Variants in PRKN observed in about 807,000 individuals in gnomAD.
PRKN encodes the protein E3 ubiquitin-protein ligase parkin.
Under a neutral mutation model 59.5 loss-of-function variants are expected in PRKN, and 56 were observed. The ratio of observed to expected loss-of-function variants is 0.94; its 90% CI spans 0.76 to 1.18. The LOEUF is 1.18. Ranked by LOEUF, PRKN falls within the 50% of genes most tolerant of loss-of-function variation. The pLI, the probability that PRKN is intolerant of heterozygous loss-of-function variation, is 0.00. For missense variants in PRKN, 657 were observed against 596.4 expected, an observed-to-expected ratio of 1.10 and a Z score of -1.06; for synonymous variants, 250 against 222.1, an observed-to-expected ratio of 1.13 and a Z score of -1.12.
intron 1 of PRKN, among the ~76,000 whole-genome samples, chr6:162,679,502 T>C (rs1166059063): frequency 1.3e-5 from 2 of 152,222 alleles, no homozygotes; most frequent in African/African-American, 4.8e-5. Context: ...CTAAGAAATC[T>C]TTGACTATTT....
In PRKN at chr6:162,506,394, A is replaced by G. The variant is rs112384286; in HGVS notation, c.8-62921T>C. Among the ~76,000 whole-genome samples the G allele has an allele frequency of 3.5e-3, 531 of 152,300 alleles. 3 individuals are homozygous for G. The highest frequency in any genetic ancestry group is 0.012 in the African/African-American group (512 of 41,560). The stretch of plus-strand genomic sequence containing the variant: ...ATGTCTAGCAAGCTAAAGACTGAGA[A>G]GAGACATGTGATACTAGGAAGAGAA... On this transcript the variant is annotated intron_variant, in intron 1 of 11. Transcript: ENST00000366898.
chr6:162,230,194 C>G (rs1778363803), intron 3 of PRKN, among the ~76,000 whole-genome samples: 1 of 152,228 alleles, frequency 6.6e-6, no homozygotes, highest in Non-Finnish European at 1.5e-5. Context: ...ATGAGCATAT[C>G]TTACTGAAGC....
intron 1 of PRKN, among the ~76,000 whole-genome samples, chr6:162,705,391 T>A (rs1403030381): frequency 6.6e-6 from 1 of 152,204 alleles, no homozygotes. Flanking sequence ...CCTGAAATCC[T>A]ACTCTTTCCA....
At chr6:161,880,576 T>C (rs1021683734) in intron 6 of PRKN, among the ~76,000 whole-genome samples, 1 of 152,218 alleles carries the variant, frequency 6.6e-6, no homozygotes, top group African/African-American at 2.4e-5. Context: ...ACAGCCACCC[T>C]GCCTGGGGAG....
rs192789992 is a variant in PRKN at position 161,389,444 on chromosome 6, A to C, written c.1084-2567T>G. 3.4e-3 allele frequency among the ~76,000 whole-genome samples: 524 copies of C among 152,330 alleles called. 5 individuals are homozygous for C. The highest frequency in any genetic ancestry group is 0.012 in the African/African-American group (502 of 41,564). On this transcript the variant is annotated intron_variant, in intron 9 of 11. Coordinates refer to ENST00000366898, the MANE Select transcript of PRKN (RefSeq NM_004562.3). ...AGAGACTGAACTCAAATTTAGTGAA[A>C]TGTAAACTTTATTTAAAGGTTGGTG...
intron 6 of PRKN, among the ~76,000 whole-genome samples, chr6:161,795,179 T>C (rs1448029309): frequency 6.6e-6 from 1 of 151,088 alleles, no homozygotes; most frequent in Non-Finnish European, 1.5e-5. Flanking sequence ...TCACCGTGCC[T>C]GGCCTAACTT....
At chr6:162,054,492 C>G (rs1030807963) in intron 4 of PRKN, among the ~76,000 whole-genome samples, 4 of 152,222 alleles carry the variant, frequency 2.6e-5, no homozygotes, top group African/African-American at 7.2e-5. Context: ...TGCTCCACTT[C>G]TGTGTCTGCC....
At chr6:162,633,935 G>C (rs953993452) in intron 1 of PRKN, among the ~76,000 whole-genome samples, 1 of 152,130 alleles carries the variant, frequency 6.6e-6, no homozygotes, top group South Asian at 2.1e-4. Context: ...TAAATAATTA[G>C]AAGTGGAAAA....
intron 3 of PRKN, among the ~76,000 whole-genome samples, chr6:162,261,379 T>A (rs557688948): frequency 5.4e-4 from 82 of 152,314 alleles, no homozygotes; most frequent in African/African-American, 1.8e-3. Context: ...TCTGGTCTCA[T>A]ACACACTCAA....
At position 161,430,814 on chromosome 6, in the gene PRKN, C is replaced by CAA. The variant is rs35611748; in HGVS notation, c.1084-43939_1084-43938dup. Among the ~76,000 whole-genome samples, 355 of 58,316 alleles carry CAA rather than the reference C, an allele frequency of 6.1e-3. 6 individuals are homozygous for CAA. The highest frequency in any genetic ancestry group is 0.022 in the African/African-American group (310 of 14,084). 38.3% of individuals were successfully genotyped at this position (58,316 alleles called of 152,430 possible). A position where few individuals can be genotyped will look rare whatever the true frequency, so the allele number is the denominator to read the frequency against. Reference sequence around the variant, plus strand: ...TGGGCAACACAGCCAGACTCCGTCTCAAAAAAAAAAAAAAAAAAAAAAAAG... The same window carrying CAA: ...TGGGCAACACAGCCAGACTCCGTCTCAAAAAAAAAAAAAAAAAAAAAAAAAAG... On this transcript the variant is annotated intron_variant, in intron 9 of 11. Coordinates refer to ENST00000366898, the MANE Select transcript of PRKN (RefSeq NM_004562.3).
At chr6:162,695,494 CA>C (rs1404383684) in intron 1 of PRKN, among the ~76,000 whole-genome samples, 1 of 152,100 alleles carries the variant, frequency 6.6e-6, no homozygotes, top group Non-Finnish European at 1.5e-5. Context: ...ATGAGACCTG[CA>C]AAAACATTAT....
At chr6:162,369,861 A>G (rs1048476548) in intron 2 of PRKN, among the ~76,000 whole-genome samples, 15 of 152,154 alleles carry the variant, frequency 9.9e-5, no homozygotes, top group East Asian at 3.9e-4. Flanking sequence ...GAGTTAGCCA[A>G]CCCTGAAGGT....
In PRKN at chr6:161,538,813, C is replaced by CT. The variant is rs1779516712; in HGVS notation, c.1083+10040dup. On this transcript the variant is annotated intron_variant, in intron 9 of 11. Transcript: ENST00000366898. The surrounding 1 kb of genome is among the most constrained non-coding windows in gnomAD (Gnocchi z 4.2). ...GAGATTTGATTGAATAACTGATCGA[C>CT]TTAGCCTTTCCCAGTGGAATGTTGG... Among the ~76,000 whole-genome samples, 1 of 152,190 alleles carries CT rather than the reference C, an allele frequency of 6.6e-6. No individual in the cohort carries two copies.
chr6:162,322,048 A>C (rs1783045478), intron 2 of PRKN, among the ~76,000 whole-genome samples: 1 of 152,028 alleles, frequency 6.6e-6, no homozygotes, highest in South Asian at 2.1e-4. Flanking sequence ...AAAATTAGAA[A>C]ATTCCTATTC....
intron 7 of PRKN, among the ~76,000 whole-genome samples, chr6:161,638,737 G>GTTTTTTTTTTT (rs1783620228): frequency 6.5e-5 from 4 of 61,556 alleles, no homozygotes; most frequent in Admixed American, 1.2e-4. Flanking sequence ...CACGAGATCT[G>GTTTTTTTTTTT]ATTTTTTTTT....
chr6:161,448,039 T>C lies in PRKN; in HGVS notation c.1084-61162A>G, dbSNP rs537911799. Among the ~76,000 whole-genome samples the C allele has an allele frequency of 1.3e-5, 2 of 152,318 alleles. No individual in the cohort carries two copies. The highest frequency in any genetic ancestry group is 1.9e-4 in the East Asian group (1 of 5,180). On this transcript the variant is annotated intron_variant, in intron 9 of 11. Coordinates refer to ENST00000366898, the MANE Select transcript of PRKN (RefSeq NM_004562.3). The surrounding 1 kb of genome is among the most constrained non-coding windows in gnomAD (Gnocchi z 5.1). ...ATGTGGGAGGTAGGGACCTTGGTCA[T>C]TGTTATCTCTTTATAATAAAATGCT... is the stretch of plus-strand genomic sequence containing the variant.
intron 7 of PRKN, among the ~76,000 whole-genome samples, chr6:161,596,010 C>A (rs569891292): frequency 6.6e-6 from 1 of 152,202 alleles, no homozygotes; most frequent in East Asian, 1.9e-4. Context: ...CAGGGGACAG[C>A]TGAAAGATCC....
At chr6:161,536,285 G>GAACT (rs1779412278) in intron 9 of PRKN, among the ~76,000 whole-genome samples, 1 of 152,090 alleles carries the variant, frequency 6.6e-6, no homozygotes, top group Non-Finnish European at 1.5e-5. Context: ...GTAGGGCAAT[G>GAACT]AACTCTAGAA....
At chr6:161,934,978 A>C (rs1211579411) in intron 6 of PRKN, among the ~76,000 whole-genome samples, 1 of 152,134 alleles carries the variant, frequency 6.6e-6, no homozygotes, top group Non-Finnish European at 1.5e-5. Context: ...CTAATGTGTT[A>C]TTTTAAGAGT....
Sources: allele counts gnomAD v4.1 joint callset (sites outside exome capture counted in the v4.1 genomes callset), GRCh38; gene constraint gnomAD v4.1.1; non-coding constraint Gnocchi (gnomAD v3.1); transcripts MANE v1.5; gene names NCBI Gene and HGNC (gene_info 2026-07-23, HGNC 2026-07-21).